TLE1: variants seen among roughly 807,000 people sequenced by gnomAD.
TLE1 encodes the protein transducin-like enhancer protein 1.
Under a neutral mutation model 89.8 loss-of-function variants are expected in TLE1, and 21 were observed. That is an observed-to-expected ratio of 0.23 (90% CI 0.17 to 0.34). TLE1 has a LOEUF of 0.34. TLE1 is among the 10% of genes least tolerant of loss of function. The probability of loss-of-function intolerance (pLI) is 1.00; values close to 1 mark genes in which losing one functional copy is unlikely to be tolerated. For synonymous variants in TLE1, 447 were observed against 407.6 expected, an observed-to-expected ratio of 1.10 and a Z score of -1.16; for missense variants, 795 against 1,031.2, an observed-to-expected ratio of 0.77 and a Z score of 3.14.
chr9:81,586,176 C>T (rs1434686874), intron 17 of TLE1, among the ~76,000 whole-genome samples: 1 of 152,070 alleles, frequency 6.6e-6, no homozygotes, highest in Non-Finnish European at 1.5e-5. Context: ...CACCACCACG[C>T]CCGGCTAATT....
intron 1 of TLE1, 85 bp downstream of exon 1, chr9:81,688,132 T>G (rs1315319418): frequency 6.4e-7 from 1 of 1,552,374 alleles, no homozygotes. Context: ...CCGCCGGGCC[T>G]CAGAAGCCAC....
At chr9:81,666,402 T>C (rs1050443761) in intron 4 of TLE1, among the ~76,000 whole-genome samples, 1 of 152,140 alleles carries the variant, frequency 6.6e-6, no homozygotes, top group Non-Finnish European at 1.5e-5. Context: ...TACCACACAA[T>C]GGCAGGATTA....
intron 8 of TLE1, among the ~76,000 whole-genome samples, chr9:81,629,047 G>A (rs988377388): frequency 1.3e-5 from 2 of 152,098 alleles, no homozygotes; most frequent in African/African-American, 4.8e-5. Context: ...GTATTTCAGT[G>A]CCTTACATTC....
chr9:81,631,014 C>A (rs191323761), intron 8 of TLE1, among the ~76,000 whole-genome samples: 3 of 152,030 alleles, frequency 2.0e-5, no homozygotes, highest in Non-Finnish European at 4.4e-5. Flanking sequence ...GCAGGAAACA[C>A]AGCATATATA....
At chr9:81,633,685 G>A in intron 7 of TLE1, 1 of 478,812 alleles carries the variant, frequency 2.1e-6, no homozygotes. Flanking sequence ...TAAAGCCTAT[G>A]AAACTAAGTA....
rs767353825 is a variant in TLE1 at position 81,687,285 on chromosome 9, G to A, written c.125+49C>T. ...CCGCCGCCACCCGGCTGGGTGCAAG[G>A]GGCACCGGGACGCCCGCGACCACTC... On this transcript the variant is annotated intron_variant, in intron 2 of 19. Coordinates refer to ENST00000376499, the MANE Select transcript of TLE1 (RefSeq NM_005077.5). The A allele has an allele frequency of 6.6e-6, 10 of 1,523,434 alleles. 1 individual carries two copies. The South Asian group carries it at 1.1e-4, about 16-fold the overall frequency. The allele number at this position is 1,523,434 out of a possible 1,614,324, so 94.4% of individuals were successfully genotyped here. A position where few individuals can be genotyped will look rare whatever the true frequency, so the allele number is the denominator to read the frequency against.
At chr9:81,662,261 C>T (rs1830891960) in intron 4 of TLE1, among the ~76,000 whole-genome samples, 1 of 151,946 alleles carries the variant, frequency 6.6e-6, no homozygotes, top group Non-Finnish European at 1.5e-5. Flanking sequence ...ACAGGCATGG[C>T]AAGTAGCCAT....
At chr9:81,586,760 T>C (rs1295150332) in intron 17 of TLE1, among the ~76,000 whole-genome samples, 2 of 152,226 alleles carry the variant, frequency 1.3e-5, no homozygotes, top group African/African-American at 2.4e-5. Context: ...TGTACTCATA[T>C]GTATTTGAGA....
chr9:81,633,620 T>C (rs1169894611), intron 7 of TLE1: 1 of 556,582 alleles, frequency 1.8e-6, no homozygotes, highest in African/African-American at 1.9e-5. Context: ...AAATTACTTT[T>C]CTTCAAAAAA....
chr9:81,605,772 A>T (rs1348656509), intron 14 of TLE1, among the ~76,000 whole-genome samples: 2 of 152,166 alleles, frequency 1.3e-5, no homozygotes, highest in Admixed American at 1.3e-4. Flanking sequence ...GACAAATGGG[A>T]TCTAATTAAA....
chr9:81,670,378 T>C (rs1392029357), intron 4 of TLE1, among the ~76,000 whole-genome samples: 2 of 152,000 alleles, frequency 1.3e-5, no homozygotes, highest in Non-Finnish European at 2.9e-5. Context: ...CAGGCTGGAG[T>C]GCAGTGGGGC....
At chr9:81,663,876 A>G (rs1440248449) in intron 4 of TLE1, among the ~76,000 whole-genome samples, 1 of 151,898 alleles carries the variant, frequency 6.6e-6, no homozygotes, top group African/African-American at 2.4e-5. Flanking sequence ...CGCCCACCTC[A>G]GCCTCCCAAA....
At chr9:81,639,046 C>T (rs1005547728) in intron 6 of TLE1, among the ~76,000 whole-genome samples, 2 of 152,084 alleles carry the variant, frequency 1.3e-5, no homozygotes, top group African/African-American at 2.4e-5. Flanking sequence ...CCTCAGGCTC[C>T]TAAGTACATA....
chr9:81,658,131 T>C (rs1830359577), intron 4 of TLE1, among the ~76,000 whole-genome samples: 1 of 151,828 alleles, frequency 6.6e-6, no homozygotes, highest in South Asian at 2.1e-4. Context: ...AGGCTGATTT[T>C]AAACTCCTGA....
intron 11 of TLE1, among the ~76,000 whole-genome samples, chr9:81,614,464 C>A (rs1824152224): frequency 6.6e-6 from 1 of 152,136 alleles, no homozygotes; most frequent in Non-Finnish European, 1.5e-5. Flanking sequence ...TTACAGGGCA[C>A]CTTCTCTGGC....
intron 8 of TLE1, among the ~76,000 whole-genome samples, chr9:81,628,984 G>GGAGTCTCCTCCA (rs764182891): frequency 6.6e-6 from 1 of 152,056 alleles, no homozygotes; most frequent in Non-Finnish European, 1.5e-5. Context: ...CGTCTGCTCT[G>GGAGTCTCCTCCA]GAGTCTCCTC....
intron 14 of TLE1, among the ~76,000 whole-genome samples, chr9:81,608,692 T>C (rs996723747): frequency 2.0e-5 from 3 of 152,042 alleles, no homozygotes; most frequent in African/African-American, 7.2e-5. Flanking sequence ...ATCGCAACAC[T>C]TTGGGAGGCT....
At chr9:81,606,817 T>C (rs1831735773) in intron 14 of TLE1, among the ~76,000 whole-genome samples, 1 of 150,044 alleles carries the variant, frequency 6.7e-6, no homozygotes, top group African/African-American at 2.4e-5. Context: ...AGAGAGGCAG[T>C]AAGATTGTAT....
At chr9:81,626,114 A>G (rs1037786385) in intron 8 of TLE1, among the ~76,000 whole-genome samples, 2 of 152,156 alleles carry the variant, frequency 1.3e-5, no homozygotes, top group Non-Finnish European at 2.9e-5. Context: ...GGTTTCCCTA[A>G]TGCAAAAATA....
Sources: gnomAD v4.1 joint callset for allele counts (sites outside exome capture counted in the v4.1 genomes callset) on GRCh38, gnomAD v4.1.1 for gene constraint, MANE v1.5 for transcripts, NCBI Gene and HGNC (gene_info 2026-07-23, HGNC 2026-07-21) for gene names.